The following DET1 variants were observed in gnomAD, a reference collection of about 807,000 sequenced individuals.
The protein encoded by DET1 is DET1 homolog.
In DET1, 22 loss-of-function variants were observed where a neutral mutation model predicts 43.7. That is an observed-to-expected ratio of 0.50 (90% CI 0.36 to 0.72). The LOEUF is 0.72. Among genes scored for constraint, DET1 ranks in the 30% least tolerant of loss-of-function variants. The pLI is 0.00. For missense variants in DET1, 713 were observed against 713.3 expected (o/e 1.00, Z 0.00); for synonymous variants, 315 against 266.2 (o/e 1.18, Z -1.79).
chr15:88,524,156 T>C (rs562691199), intron 3 of DET1, among the ~76,000 whole-genome samples: 8 of 150,774 alleles, frequency 5.3e-5, no homozygotes, highest in South Asian at 2.1e-4. Context: ...GGAGCGCCTC[T>C]GTCCGGCCGC....
chr15:88,517,061 C>T lies in DET1; in HGVS notation c.1272-88G>A, dbSNP rs2056364105. Reference sequence around the variant, plus strand: ...AAATTGACAAATATATGTCTAAGAACAACTCATTCTTTAAATACAAATTAA... The same window carrying T: ...AAATTGACAAATATATGTCTAAGAATAACTCATTCTTTAAATACAAATTAA... On this transcript the variant is annotated intron_variant, in intron 3 of 4. Coordinates refer to ENST00000268148, the MANE Select transcript of DET1 (RefSeq NM_001144074.3). The T allele has an allele frequency of 2.0e-5, 19 of 943,330 alleles. No homozygotes were observed. In the South Asian group the frequency reaches 3.2e-4, roughly 16 times the overall value. The allele number at this position is 943,330 out of a possible 1,614,324, so 58.4% of individuals were successfully genotyped here.
In DET1 at chr15:88,516,319, G is replaced by C. The variant is rs561626796; in HGVS notation, c.1463+463C>G. Among the ~76,000 whole-genome samples the C allele has an allele frequency of 1.4e-4, 21 of 152,340 alleles. No homozygotes were observed. Among genetic ancestry groups the C allele is most frequent in the African/African-American group, 4.3e-4 (18 of 41,572 alleles). On this transcript the variant is annotated intron_variant, in intron 4 of 4. Transcript: ENST00000268148. The surrounding 1 kb of genome is among the most constrained non-coding windows in gnomAD (Gnocchi z 4.4). The stretch of plus-strand genomic sequence containing the variant: ...TCAAACTTCTAACAATAACACAGTA[G>C]TCTACATTCCAAAATTCCTCCAAGT...
chr15:88,513,721 G>T, intron 4 of DET1, among the ~76,000 whole-genome samples: 1 of 147,278 alleles, frequency 6.8e-6, no homozygotes, highest in Non-Finnish European at 1.5e-5. Context: ...TGCCACATGT[G>T]GCTAGTGTCT....
chr15:88,532,664 T>C (rs1333932638), intron 1 of DET1, among the ~76,000 whole-genome samples: 1 of 152,174 alleles, frequency 6.6e-6, no homozygotes, highest in Non-Finnish European at 1.5e-5. Flanking sequence ...CAATCTTTGA[T>C]AAGGTCCTAC....
At chr15:88,529,513 C>T (rs969940566) in intron 2 of DET1, among the ~76,000 whole-genome samples, 3 of 152,192 alleles carry the variant, frequency 2.0e-5, no homozygotes, top group Admixed American at 6.5e-5. Flanking sequence ...AACCATATTA[C>T]TCCCCTACTT....
chr15:88,535,732 G>A (rs1461085745), intron 1 of DET1, among the ~76,000 whole-genome samples: 1 of 151,638 alleles, frequency 6.6e-6, no homozygotes, highest in African/African-American at 2.4e-5. Context: ...CTCCAGCCTG[G>A]GCAATGCAGT....
In DET1 at chr15:88,541,374, G is replaced by T. The variant is rs376690998; in HGVS notation, c.-11+5166C>A. On this transcript the variant is annotated intron_variant, in intron 1 of 4. Transcript: ENST00000268148. Reference sequence around the variant, plus strand: ...ATACTAAGGGAACTCAGAGGCTGGCGGGATCCTCCATATGCTGAACGCTGG... The same window carrying T: ...ATACTAAGGGAACTCAGAGGCTGGCTGGATCCTCCATATGCTGAACGCTGG... Among the ~76,000 whole-genome samples, 7 of 151,274 alleles carry T rather than the reference G, an allele frequency of 4.6e-5. No individual in the cohort carries two copies. The East Asian group carries it at 1.4e-3, about 30-fold the overall frequency.
At chr15:88,519,652 A>G (rs1294984276) in intron 3 of DET1, among the ~76,000 whole-genome samples, 1 of 152,080 alleles carries the variant, frequency 6.6e-6, no homozygotes, top group Non-Finnish European at 1.5e-5. Flanking sequence ...AAATTACTAA[A>G]TCACTCCGTT....
At chr15:88,513,734 C>T (rs2056261734) in intron 4 of DET1, among the ~76,000 whole-genome samples, 1 of 149,620 alleles carries the variant, frequency 6.7e-6, no homozygotes. Context: ...TAGTGTCTAC[C>T]ATATTGGACA....
intron 4 of DET1, among the ~76,000 whole-genome samples, chr15:88,513,408 A>C (rs2056247601): frequency 6.6e-6 from 1 of 152,146 alleles, no homozygotes; most frequent in African/African-American, 2.4e-5. Flanking sequence ...TTACAGCCTT[A>C]ATTATAGCCT....
chr15:88,505,441 T>C (rs894346687), intron 7 of DET1: 2 of 152,234 alleles, frequency 1.3e-5, no homozygotes, highest in African/African-American at 2.4e-5. Flanking sequence ...TTTACTAATA[T>C]CAAATTAACC....
At chr15:88,536,287 C>G (rs1449836878) in intron 1 of DET1, 1 of 771,568 alleles carries the variant, frequency 1.3e-6, no homozygotes, top group Admixed American at 1.7e-5. Flanking sequence ...TGGTCTTTAT[C>G]TCTTCCTGAA....
At chr15:88,522,036 T>G (rs1378671424) in intron 3 of DET1, among the ~76,000 whole-genome samples, 1 of 152,156 alleles carries the variant, frequency 6.6e-6, no homozygotes, top group African/African-American at 2.4e-5. Flanking sequence ...CAATGTGCAG[T>G]TGCCAAGAGA....
At chr15:88,544,509 A>T (rs958282832) in intron 1 of DET1, among the ~76,000 whole-genome samples, 3 of 152,208 alleles carry the variant, frequency 2.0e-5, no homozygotes, top group Non-Finnish European at 1.5e-5. Context: ...CACTTGTTCA[A>T]GGAAACCATC....
At chr15:88,537,543 C>A (rs547783150) in intron 1 of DET1, among the ~76,000 whole-genome samples, 21 of 152,336 alleles carry the variant, frequency 1.4e-4, no homozygotes, top group African/African-American at 4.3e-4. Flanking sequence ...CTGGAACCCT[C>A]CCATACCCAG....
chr15:88,522,045 G>A (rs1237241594), intron 3 of DET1, among the ~76,000 whole-genome samples: 1 of 152,150 alleles, frequency 6.6e-6, no homozygotes, highest in East Asian at 1.9e-4. Flanking sequence ...GTTGCCAAGA[G>A]AAGAGCTGTA....
chr15:88,541,383 C>T (rs1490065008), intron 1 of DET1, among the ~76,000 whole-genome samples: 1 of 151,406 alleles, frequency 6.6e-6, no homozygotes, highest in Admixed American at 6.6e-5. Context: ...CGGGATCCTC[C>T]ATATGCTGAA....
rs991621479 is a variant in DET1, at chr15:88,523,569, G to C, written c.1271+4030C>G. ...ATTCTCCTGCCTCAGTCTACCGAGTGCCTGGGATTGCAGGCGCGCACCGCC... is the reference window on the plus strand; with the variant it reads ...ATTCTCCTGCCTCAGTCTACCGAGTCCCTGGGATTGCAGGCGCGCACCGCC... On this transcript the variant is annotated intron_variant, in intron 3 of 4. Transcript: ENST00000268148. 2.0e-5 allele frequency among the ~76,000 whole-genome samples: 3 copies of C among 152,256 alleles called. No homozygotes were observed. The East Asian group carries it at 5.8e-4, about 30-fold the overall frequency.
intron 1 of DET1, among the ~76,000 whole-genome samples, chr15:88,534,124 A>G (rs1321189139): frequency 6.6e-6 from 1 of 152,210 alleles, no homozygotes; most frequent in Non-Finnish European, 1.5e-5. Context: ...TTAAAATCAC[A>G]ATAAAAATAT....
Sources: gnomAD v4.1 joint callset for allele counts (sites outside exome capture counted in the v4.1 genomes callset) on GRCh38, gnomAD v4.1.1 for gene constraint, Gnocchi (gnomAD v3.1) non-coding constraint, MANE v1.5 for transcripts, NCBI Gene and HGNC (gene_info 2026-07-23, HGNC 2026-07-21) for gene names.